The following FER1L6 variants were observed in gnomAD, a reference collection of about 807,000 sequenced individuals.
The protein encoded by FER1L6 is fer-1-like protein 6.
FER1L6 carries 177 observed loss-of-function variants against 219.2 expected under a neutral mutation model. That is an observed-to-expected ratio of 0.81 (90% confidence interval 0.71 to 0.91). FER1L6 has a LOEUF of 0.91. Among genes scored for constraint, FER1L6 ranks in the 40% least tolerant of loss-of-function variants. FER1L6 has a pLI of 0.00. For missense variants in FER1L6, 2,153 were observed against 2,259.9 expected (o/e 0.95, Z 0.96); for synonymous variants, 768 against 824.3 (o/e 0.93, Z 1.17).
Position 124,119,992 on chromosome 8 carries a change from T to C in FER1L6, c.*202T>C. ...TTTCAAACTTGTAAGGCATGTTTTA[T>C]CCCTTGGGCAGCATGAAATAAGGCA... is the stretch of plus-strand genomic sequence containing the variant. On this transcript the variant is annotated 3_prime_UTR_variant, in exon 41 of 41. Transcript: ENST00000522917. 2.0e-6 allele frequency: 1 copy of C among 505,886 alleles called. No homozygotes were observed. Among genetic ancestry groups the C allele is most frequent in the East Asian group, 3.1e-5 (1 of 32,086 alleles). 31.3% of individuals were successfully genotyped at this position (505,886 alleles called of 1,614,324 possible).
intron 15 of FER1L6, among the ~76,000 whole-genome samples, chr8:124,015,607 A>ATATATATATATATGTATG (rs71289634): frequency 2.0e-4 from 18 of 88,592 alleles, no homozygotes; most frequent in African/African-American, 7.3e-4. Context: ...ATATATATAT[A>ATATATATATATATGTATG]TATATATATT....
At position 123,980,688 on chromosome 8, in the gene FER1L6, A is replaced by G. The variant is rs923283844; in HGVS notation, c.1287A>G (p.Lys429=). The G allele has an allele frequency of 6.2e-7, 1 of 1,614,174 alleles. No individual in the cohort carries two copies. The highest frequency in any genetic ancestry group is 8.5e-7 in the Non-Finnish European group (1 of 1,180,018). ...AGCTCAAGTTGCCTTCCAAGGACAA[A>G]GACTCCAAATCTTCCAAAGGTAAAG... ...LKELKLPSKD[K]DSKSSKGKDK... The change falls in exon 11 of 41, where the codon AAA becomes AAG. Residue 429 remains lysine, a synonymous_variant. Coordinates refer to ENST00000522917, the MANE Select transcript of FER1L6 (RefSeq NM_001039112.2).
intron 1 of FER1L6, among the ~76,000 whole-genome samples, chr8:123,877,058 AC>A (rs1817016599): frequency 6.6e-6 from 1 of 152,182 alleles, no homozygotes; most frequent in Non-Finnish European, 1.5e-5. Flanking sequence ...CCTCACCCAC[AC>A]TGGTCTGCAA....
chr8:123,878,721 T>C (rs946266182), intron 1 of FER1L6, among the ~76,000 whole-genome samples: 1 of 152,256 alleles, frequency 6.6e-6, no homozygotes, highest in East Asian at 1.9e-4. Flanking sequence ...AAAATACTTT[T>C]TTTTGCCTTG....
chr8:123,873,250 C>T (rs1418703689), intron 1 of FER1L6, among the ~76,000 whole-genome samples: 1 of 152,220 alleles, frequency 6.6e-6, no homozygotes, highest in Non-Finnish European at 1.5e-5. Context: ...CCTGGACTCT[C>T]ATCTCCATGT....
At chr8:123,988,827 G>T (rs1365419829) in intron 12 of FER1L6, among the ~76,000 whole-genome samples, 1 of 152,026 alleles carries the variant, frequency 6.6e-6, no homozygotes, top group Non-Finnish European at 1.5e-5. Context: ...TCTTTCTCTT[G>T]TCTGATTTCT....
chr8:124,066,039 T>C (rs535287715), intron 26 of FER1L6, among the ~76,000 whole-genome samples: 1 of 152,360 alleles, frequency 6.6e-6, no homozygotes, highest in East Asian at 1.9e-4. Flanking sequence ...TATTAATTGC[T>C]TAATGATTTA....
At position 124,060,703 on chromosome 8, in the gene FER1L6, C is replaced by T. The variant is rs541571610; in HGVS notation, c.3141C>T (p.Phe1047=). Residue 1047 remains phenylalanine, a synonymous_variant, in exon 24 of 41, where the codon TTC becomes TTT. Transcript: ENST00000522917. ...NPNFSIQADA[F]EVELPENELL... is the part of the protein sequence containing the mutation. ...ACTTCAGCATCCAGGCAGACGCTTT[C>T]GAAGTGGTGCGAGCTTCTCACTCTC... is the stretch of plus-strand genomic sequence containing the variant. 6.8e-6 allele frequency: 11 copies of T among 1,613,604 alleles called. No homozygotes were observed. Among genetic ancestry groups the T allele is most frequent in the Middle Eastern group, 1.6e-4 (1 of 6,062 alleles).
chr8:123,921,973 T>C (rs965101029), intron 1 of FER1L6, among the ~76,000 whole-genome samples: 5 of 152,204 alleles, frequency 3.3e-5, no homozygotes, highest in African/African-American at 1.2e-4. Flanking sequence ...CAGGATGGGC[T>C]GGGCCAAGCA....
At chr8:123,939,117 A>G in intron 1 of FER1L6, 1 of 969,840 alleles carries the variant, frequency 1.0e-6, no homozygotes, top group Non-Finnish European at 1.2e-6. Context: ...ATAGGTTTGT[A>G]CTTGCTGGAA....
chr8:123,963,389 C>T lies in FER1L6; in HGVS notation c.188C>T (p.Pro63Leu). The stretch of plus-strand genomic sequence containing the variant: ...ATCTTTCCTGTCCCCTCAGCTTCTC[C>T]AAAGAGAAGGTACAGTATGGATGCA... ...ASIFPVPSAS[P>L]KRRSKLLTKI... The change falls in exon 3 of 41, where the codon CCA becomes CTA. Residue 63 changes from proline (P) to leucine (L), a missense_variant. Coordinates refer to ENST00000522917, the MANE Select transcript of FER1L6 (RefSeq NM_001039112.2). 1 of 1,614,044 alleles carries T rather than the reference C, an allele frequency of 6.2e-7. No individual in the cohort carries two copies. The highest frequency in any genetic ancestry group is 8.5e-7 in the Non-Finnish European group (1 of 1,179,916).
At chr8:123,985,714 G>A (rs948092456) in intron 11 of FER1L6, 4 of 185,048 alleles carry the variant, frequency 2.2e-5, no homozygotes, top group Non-Finnish European at 4.5e-5. Flanking sequence ...TTGATTTTCT[G>A]TTTTCTGAAA....
intron 1 of FER1L6, among the ~76,000 whole-genome samples, chr8:123,898,779 ACG>A (rs1812802448): frequency 7.1e-6 from 1 of 140,152 alleles, no homozygotes; most frequent in Admixed American, 7.3e-5. Flanking sequence ...GTGTATATAT[ACG>A]TATGTACATA....
intron 1 of FER1L6, among the ~76,000 whole-genome samples, chr8:123,940,752 G>C (rs1420899914): frequency 6.6e-6 from 1 of 152,132 alleles, no homozygotes; most frequent in Non-Finnish European, 1.5e-5. Context: ...GATAATTGTA[G>C]GGCATCACCC....
chr8:123,930,541 A>G (rs767458923), intron 1 of FER1L6, among the ~76,000 whole-genome samples: 1 of 152,194 alleles, frequency 6.6e-6, no homozygotes, highest in Non-Finnish European at 1.5e-5. Flanking sequence ...AATGGTGAGC[A>G]CTATGGACAC....
chr8:123,856,316 G>GTGTGTGTGTGTATATATA lies in FER1L6; in HGVS notation c.-8+4132_-8+4133insGTGTGTGTGTATATATAT, dbSNP rs71576706. 5.3e-4 allele frequency among the ~76,000 whole-genome samples: 24 copies of GTGTGTGTGTGTATATATA among 45,088 alleles called. 4 individuals carry two copies. Among genetic ancestry groups the GTGTGTGTGTGTATATATA allele is most frequent in the African/African-American group, 1.7e-3 (20 of 11,510 alleles). 29.6% of individuals were successfully genotyped at this position (45,088 alleles called of 152,430 possible). The stretch of plus-strand genomic sequence containing the variant: ...TGTATATATATATATATATGTATGT[G>GTGTGTGTGTGTATATATA]TATATATATATATATATATATATAT... On this transcript the variant is annotated intron_variant, in intron 1 of 40. Transcript: ENST00000522917.
intron 1 of FER1L6, among the ~76,000 whole-genome samples, chr8:123,929,546 A>G (rs1813691199): frequency 6.6e-6 from 1 of 152,170 alleles, no homozygotes; most frequent in Non-Finnish European, 1.5e-5. Flanking sequence ...ATCAAGGAAG[A>G]ATTAACTTGG....
chr8:123,963,495 CAT>C, intron 3 of FER1L6, 97 bp downstream of exon 3: 1 of 1,411,838 alleles, frequency 7.1e-7, no homozygotes. Flanking sequence ...GAGAGTAAGA[CAT>C]AGTCACTGTC....
intron 1 of FER1L6, among the ~76,000 whole-genome samples, chr8:123,923,269 T>C (rs949118793): frequency 2.0e-5 from 3 of 152,174 alleles, no homozygotes; most frequent in Non-Finnish European, 4.4e-5. Context: ...ATTTTCTAGG[T>C]GATGGGACAG....
Sources: gnomAD v4.1 joint callset for allele counts (sites outside exome capture counted in the v4.1 genomes callset) on GRCh38, gnomAD v4.1.1 for gene constraint, MANE v1.5 for transcripts, NCBI Gene and HGNC (gene_info 2026-07-23, HGNC 2026-07-21) for gene names.